LARS1: variants seen among roughly 807,000 people sequenced by gnomAD.
LARS1 encodes leucyl-tRNA synthetase 1, also known as leucine--tRNA ligase, cytoplasmic.
A neutral mutation model predicts 162.8 loss-of-function variants in LARS1; 100 were observed. That is an observed-to-expected ratio of 0.61 (90% CI 0.52 to 0.73). The LOEUF is 0.73. Among genes scored for constraint, LARS1 ranks in the 30% least tolerant of loss-of-function variants. The probability of loss-of-function intolerance (pLI) is 0.00; values close to 1 mark genes in which losing one functional copy is unlikely to be tolerated. For synonymous variants in LARS1, 457 were observed against 462.8 expected, an observed-to-expected ratio of 0.99 and a Z score of 0.16; for missense variants, 1,258 against 1,408.9, an observed-to-expected ratio of 0.89 and a Z score of 1.71.
chr5:146,179,257 G>A (rs1319234773), intron 1 of LARS1, among the ~76,000 whole-genome samples: 5 of 152,072 alleles, frequency 3.3e-5, no homozygotes, highest in Admixed American at 6.6e-5. Flanking sequence ...CATCTCTGGG[G>A]TTCAAGCAAT....
intron 23 of LARS1, 51 bp downstream of exon 23, chr5:146,132,847 A>G (rs995505488): frequency 7.2e-7 from 1 of 1,387,736 alleles, no homozygotes; most frequent in South Asian, 1.3e-5. Flanking sequence ...ACAAAAATGC[A>G]CCAGGACTAA....
intron 10 of LARS1, among the ~76,000 whole-genome samples, chr5:146,156,729 C>A (rs1228395094): frequency 6.6e-6 from 1 of 150,828 alleles, no homozygotes; most frequent in African/African-American, 2.4e-5. Context: ...AGTAGATGAG[C>A]TGTGTAACCA....
chr5:146,172,377 G>A (rs537498895), intron 3 of LARS1, among the ~76,000 whole-genome samples: 31 of 152,050 alleles, frequency 2.0e-4, no homozygotes, highest in South Asian at 1.2e-3. Context: ...TTAGCTGGGC[G>A]TGGTGGTGCG....
chr5:146,179,386 T>G (rs961034613), intron 1 of LARS1, among the ~76,000 whole-genome samples: 1 of 152,062 alleles, frequency 6.6e-6, no homozygotes, highest in Non-Finnish European at 1.5e-5. Context: ...GGCCTCAAAC[T>G]CCTGACCTCA....
In LARS1 at chr5:146,164,779, G is replaced by A. The variant is rs117183781; in HGVS notation, c.433-308C>T. ...ATAAGATCTCAATACCAAACCTTCT[G>A]TTTCTTTTATCCTAATACCACATTT... is the stretch of plus-strand genomic sequence containing the variant. On this transcript the variant is annotated intron_variant, in intron 5 of 31. Coordinates refer to ENST00000394434, the MANE Select transcript of LARS1 (RefSeq NM_020117.11). Among the ~76,000 whole-genome samples the A allele has an allele frequency of 5.9e-5, 9 of 152,214 alleles. No homozygotes were observed. In the East Asian group the frequency reaches 1.7e-3, roughly 29 times the overall value.
chr5:146,123,339 T>C (rs576063202), intron 29 of LARS1, among the ~76,000 whole-genome samples: 21 of 152,016 alleles, frequency 1.4e-4, no homozygotes, highest in African/African-American at 4.3e-4. Context: ...TTACGATCTA[T>C]ATATAAAGTT....
At chr5:146,167,090 AAAAGTAT>A (rs1252901205) in intron 5 of LARS1, among the ~76,000 whole-genome samples, 1 of 152,228 alleles carries the variant, frequency 6.6e-6, no homozygotes, top group African/African-American at 2.4e-5. Flanking sequence ...CGTATTCGTT[AAAAGTAT>A]AAAGGTCATA....
chr5:146,181,644 C>T (rs2962515), intron 1 of LARS1, among the ~76,000 whole-genome samples: 112,077 of 151,560 alleles, frequency 0.74, 41,869 homozygotes, highest in Middle Eastern at 0.87. Flanking sequence ...AGAGTGAGAA[C>T]ATCTCCCAAA....
chr5:146,158,676 T>G (rs1047235974), intron 8 of LARS1, among the ~76,000 whole-genome samples: 1 of 152,170 alleles, frequency 6.6e-6, no homozygotes, highest in African/African-American at 2.4e-5. Flanking sequence ...CTGGAATCTG[T>G]GTATATCAAA....
chr5:146,135,508 C>G (rs1306440154), intron 22 of LARS1, 93 bp downstream of exon 22: 3 of 939,722 alleles, frequency 3.2e-6, no homozygotes, highest in Admixed American at 2.8e-5. Flanking sequence ...AAAAGCAAAA[C>G]AGAAAGTAAA....
intron 6 of LARS1, 148 bp from the exon 7 acceptor site, chr5:146,160,634 A>G: frequency 4.4e-6 from 2 of 458,380 alleles, no homozygotes; most frequent in East Asian, 4.0e-5. Context: ...TATTAAAAGT[A>G]TATCACAATT....
At chr5:146,114,370 C>G in intron 31 of LARS1, 59 bp from the exon 32 acceptor site, 1 of 1,373,734 alleles carries the variant, frequency 7.3e-7, no homozygotes, top group Non-Finnish European at 1.0e-6. Context: ...AACCCTGGAG[C>G]AGTCTGAGAA....
intron 6 of LARS1, among the ~76,000 whole-genome samples, chr5:146,163,054 C>A (rs1389610026): frequency 6.6e-6 from 1 of 152,198 alleles, no homozygotes; most frequent in East Asian, 1.9e-4. Context: ...GGTGATCCAC[C>A]CACCTTGGCC....
chr5:146,174,458 AT>A (rs1379861046), intron 2 of LARS1, among the ~76,000 whole-genome samples: 8 of 90,840 alleles, frequency 8.8e-5, no homozygotes, highest in African/African-American at 2.7e-4. Flanking sequence ...ATATATATAT[AT>A]ATATCCATAT....
intron 10 of LARS1, among the ~76,000 whole-genome samples, chr5:146,155,504 A>T (rs1181429724): frequency 6.6e-6 from 1 of 152,246 alleles, no homozygotes; most frequent in East Asian, 1.9e-4. Context: ...ATTTCACTTG[A>T]AAAAATCCAA....
rs1581062344 is a variant in LARS1 at position 146,157,856 on chromosome 5, A to C, written c.772-61T>G. 4.0e-6 allele frequency: 6 copies of C among 1,498,448 alleles called. No homozygotes were observed. The East Asian group carries it at 1.1e-4, about 28-fold the overall frequency. The allele number at this position is 1,498,448 out of a possible 1,614,324, so 92.8% of individuals were successfully genotyped here. ...AAAAAGACTTGCCTTAAACCTACTA[A>C]TCTATGTGAGAGATCTGATTCAAGT... On this transcript the variant is annotated intron_variant, in intron 8 of 31. Transcript: ENST00000394434.
chr5:146,115,046 G>GGAAA (rs375865936), intron 31 of LARS1, among the ~76,000 whole-genome samples: 2 of 97,650 alleles, frequency 2.0e-5, no homozygotes, highest in African/African-American at 7.5e-5. Flanking sequence ...CTGTCGGGGG[G>GGAAA]AAAAAAAAAA....
intron 4 of LARS1, among the ~76,000 whole-genome samples, chr5:146,168,660 G>A (rs1215761418): frequency 2.0e-5 from 3 of 151,770 alleles, no homozygotes; most frequent in Non-Finnish European, 2.9e-5. Flanking sequence ...ACTCTAGCCT[G>A]GGCAACAAAG....
At chr5:146,130,281 A>G in intron 24 of LARS1, 123 bp from the exon 25 acceptor site, 1 of 890,926 alleles carries the variant, frequency 1.1e-6, no homozygotes, top group Non-Finnish European at 1.7e-6. Flanking sequence ...AATCCATAAC[A>G]AATTACTGTA....
Sources: allele counts gnomAD v4.1 joint callset (sites outside exome capture counted in the v4.1 genomes callset), GRCh38; gene constraint gnomAD v4.1.1; transcripts MANE v1.5; gene names NCBI Gene and HGNC (gene_info 2026-07-23, HGNC 2026-07-21).